The following RANBP17 variants were observed in gnomAD, a reference collection of about 807,000 sequenced individuals.
RANBP17 encodes ran-binding protein 17.
RANBP17 carries 158 observed loss-of-function variants against 141.2 expected under a neutral mutation model. The observed-to-expected ratio is 1.12, with a 90% CI of 0.98 to 1.28. The LOEUF (loss-of-function observed/expected upper bound fraction) is 1.28, where lower values mean the gene tolerates loss of function less well. Ranked by LOEUF, RANBP17 falls within the 50% of genes most tolerant of loss-of-function variation. The pLI is 0.00. For synonymous variants in RANBP17, 430 were observed against 450.0 expected (o/e 0.96, Z 0.56); for missense variants, 1,438 against 1,290.7 (o/e 1.11, Z -1.75).
At chr5:171,213,547 TTGTG>T (rs201863074) in intron 20 of RANBP17, 80 bp from the exon 21 acceptor site, 10 of 892,356 alleles carry the variant, frequency 1.1e-5, no homozygotes, top group Middle Eastern at 2.2e-4. Flanking sequence ...GGATTCCCTT[TTGTG>T]TGTGTGTATG....
intron 23 of RANBP17, among the ~76,000 whole-genome samples, chr5:171,241,580 C>A (rs550749759): frequency 6.6e-6 from 1 of 152,264 alleles, no homozygotes; most frequent in African/African-American, 2.4e-5. Flanking sequence ...AAAGAGAGGA[C>A]TTCCTTGTAG....
intron 14 of RANBP17, among the ~76,000 whole-genome samples, chr5:171,053,925 A>ATATATAT (rs1491125081): frequency 3.1e-5 from 1 of 32,372 alleles, no homozygotes; most frequent in Non-Finnish European, 6.6e-5. Flanking sequence ...ATATATATAT[A>ATATATAT]ATTGCTGTAT....
rs373850740 is a variant in RANBP17, at chr5:171,255,406, ATT to A, written c.2777-10274_2777-10273del. On this transcript the variant is annotated intron_variant, in intron 24 of 27. Coordinates refer to ENST00000523189, the MANE Select transcript of RANBP17 (RefSeq NM_022897.5). ...TTAAAGTACAGCATTGAAATACTAC[ATT>A]GTGTTTATTTTTACATTTTTGCATT... 5.3e-5 allele frequency among the ~76,000 whole-genome samples: 8 copies of A among 152,098 alleles called. No individual in the cohort carries two copies. In the East Asian group the frequency reaches 1.5e-3, roughly 29 times the overall value.
chr5:171,258,005 C>T (rs1174771031), intron 24 of RANBP17, among the ~76,000 whole-genome samples: 1 of 151,892 alleles, frequency 6.6e-6, no homozygotes, highest in Non-Finnish European at 1.5e-5. Flanking sequence ...ACTCAGGAGG[C>T]TGAGGCAGGA....
chr5:171,090,892 G>C (rs946971748), intron 14 of RANBP17, among the ~76,000 whole-genome samples: 4 of 152,212 alleles, frequency 2.6e-5, no homozygotes, highest in East Asian at 1.9e-4. Context: ...GACCTCAAAA[G>C]ATGTACGGAA....
At position 170,933,548 on chromosome 5, in the gene RANBP17, G is replaced by T. The variant is rs1773587070; in HGVS notation, c.1468+8998G>T. 3.3e-5 allele frequency among the ~76,000 whole-genome samples: 5 copies of T among 152,280 alleles called. No homozygotes were observed. In the South Asian group the frequency reaches 1.0e-3, roughly 32 times the overall value. On this transcript the variant is annotated intron_variant, in intron 12 of 27. Coordinates refer to ENST00000523189, the MANE Select transcript of RANBP17 (RefSeq NM_022897.5). ...TCTTTCTAGCTTTCTCCTGTGGGCA[G>T]TTAGTGCTATAAATTTCCCTCTACA...
rs867584496 is a variant in RANBP17, at chr5:170,949,268, A to G, written c.1469-4329A>G. On this transcript the variant is annotated intron_variant, in intron 12 of 27. Coordinates refer to ENST00000523189, the MANE Select transcript of RANBP17 (RefSeq NM_022897.5). ...TAAAACAGAGTTGCAAATTTTGTGC[A>G]TCAAAGCATGCCATCAAGAAAGTAC... 1.3e-5 allele frequency among the ~76,000 whole-genome samples: 2 copies of G among 152,214 alleles called. 1 individual carries two copies. Among genetic ancestry groups the G allele is most frequent in the South Asian group, 4.1e-4 (2 of 4,836 alleles).
At chr5:171,027,265 G>A (rs1010840088) in intron 14 of RANBP17, among the ~76,000 whole-genome samples, 2 of 152,138 alleles carry the variant, frequency 1.3e-5, no homozygotes, top group Non-Finnish European at 2.9e-5. Flanking sequence ...ATTACTGCGT[G>A]GTTCCAGATT....
chr5:171,051,875 C>T (rs1782974383), intron 14 of RANBP17, among the ~76,000 whole-genome samples: 1 of 152,120 alleles, frequency 6.6e-6, no homozygotes, highest in Non-Finnish European at 1.5e-5. Context: ...TATCTTTCTC[C>T]ACATCCTTGT....
intron 14 of RANBP17, among the ~76,000 whole-genome samples, chr5:171,133,222 A>G (rs1289132279): frequency 6.6e-6 from 1 of 152,170 alleles, no homozygotes; most frequent in Non-Finnish European, 1.5e-5. Flanking sequence ...AACATGTTAA[A>G]ATAATGTGGA....
intron 24 of RANBP17, among the ~76,000 whole-genome samples, chr5:171,248,056 A>G (rs942802925): frequency 6.6e-6 from 1 of 152,184 alleles, no homozygotes; most frequent in African/African-American, 2.4e-5. Flanking sequence ...AGAAGAGAAG[A>G]CTAGAGTCCT....
chr5:171,294,061 C>T (rs1768672394), intron 26 of RANBP17, 80 bp downstream of exon 26: 8 of 1,055,258 alleles, frequency 7.6e-6, no homozygotes, highest in South Asian at 3.8e-5. Flanking sequence ...GCTGTGATGA[C>T]GAAGGACAGA....
chr5:171,292,282 T>C (rs1768539027), intron 25 of RANBP17, among the ~76,000 whole-genome samples: 1 of 152,270 alleles, frequency 6.6e-6, no homozygotes, highest in African/African-American at 2.4e-5. Flanking sequence ...TATGATGATG[T>C]ATAGAATGGC....
intron 12 of RANBP17, among the ~76,000 whole-genome samples, chr5:170,952,919 C>T (rs1210124225): frequency 6.6e-6 from 1 of 152,054 alleles, no homozygotes; most frequent in Non-Finnish European, 1.5e-5. Flanking sequence ...TCAATTTCAG[C>T]TGCCCCCAAA....
intron 14 of RANBP17, among the ~76,000 whole-genome samples, chr5:171,127,534 A>G (rs551777603): frequency 1.3e-3 from 198 of 152,356 alleles, no homozygotes; most frequent in Non-Finnish European, 2.5e-3. Context: ...GTTTTATTAA[A>G]ACATGGGCAA....
intron 14 of RANBP17, among the ~76,000 whole-genome samples, chr5:171,032,309 G>T (rs1219176661): frequency 6.6e-6 from 1 of 152,070 alleles, no homozygotes; most frequent in Non-Finnish European, 1.5e-5. Context: ...ATAATCCATG[G>T]AGTTTAAATT....
chr5:171,032,845 T>A (rs935761310), intron 14 of RANBP17, among the ~76,000 whole-genome samples: 5 of 152,164 alleles, frequency 3.3e-5, no homozygotes, highest in African/African-American at 1.2e-4. Flanking sequence ...GACTGCGCAT[T>A]ATTGTGCTAC....
intron 18 of RANBP17, among the ~76,000 whole-genome samples, chr5:171,185,835 C>A (rs761919181): frequency 2.0e-5 from 3 of 152,128 alleles, no homozygotes; most frequent in Non-Finnish European, 4.4e-5. Context: ...TAGTGGTATC[C>A]AGAATGGTGA....
intron 13 of RANBP17, among the ~76,000 whole-genome samples, chr5:170,965,158 G>C (rs1489862565): frequency 6.6e-6 from 1 of 152,078 alleles, no homozygotes; most frequent in African/African-American, 2.4e-5. Context: ...GTGATGGTGA[G>C]CATTTTTTCA....
Sources: allele counts gnomAD v4.1 joint callset (sites outside exome capture counted in the v4.1 genomes callset), GRCh38; gene constraint gnomAD v4.1.1; transcripts MANE v1.5; gene names NCBI Gene and HGNC (gene_info 2026-07-23, HGNC 2026-07-21).